The following GRM8 variants were observed in gnomAD, a reference collection of about 807,000 sequenced individuals.
The protein encoded by GRM8 is metabotropic glutamate receptor 8.
Under a neutral mutation model 87.2 loss-of-function variants are expected in GRM8, and 47 were observed. That is an observed-to-expected ratio of 0.54 (90% confidence interval 0.43 to 0.69). The LOEUF (loss-of-function observed/expected upper bound fraction) is 0.69. Ranked by LOEUF, GRM8 falls within the 30% of genes least tolerant of loss-of-function variation. The pLI is 0.00. For synonymous variants in GRM8, 396 were observed against 404.5 expected (o/e 0.98, Z 0.25); for missense variants, 1,019 against 1,139.2 (o/e 0.89, Z 1.52).
chr7:126,878,851 G>A lies in GRM8; in HGVS notation c.1156+23691C>T, dbSNP rs149407708. On this transcript the variant is annotated intron_variant, in intron 6 of 10. Coordinates refer to ENST00000339582, the MANE Select transcript of GRM8 (RefSeq NM_000845.3). ...CTTGAGATACTGTCTTCTAAAACTT[G>A]CCCTTTTTATTGTTTAAAAAACATG... 3.1e-3 allele frequency among the ~76,000 whole-genome samples: 467 copies of A among 150,740 alleles called. 8 individuals carry two copies. The East Asian group carries it at 0.05, about 16-fold the overall frequency.
chr7:126,628,344 C>T (rs1800899837), intron 7 of GRM8, among the ~76,000 whole-genome samples: 1 of 152,182 alleles, frequency 6.6e-6, no homozygotes, highest in Non-Finnish European at 1.5e-5. Flanking sequence ...TGTGCCCAGC[C>T]TAGTCCCTCT....
intron 7 of GRM8, among the ~76,000 whole-genome samples, chr7:126,628,027 A>C (rs1800866515): frequency 6.6e-6 from 1 of 152,074 alleles, no homozygotes; most frequent in African/African-American, 2.4e-5. Flanking sequence ...ATAAATGGGA[A>C]AGTAGTCCCT....
At chr7:127,057,813 A>C (rs930124667) in intron 3 of GRM8, among the ~76,000 whole-genome samples, 2 of 152,148 alleles carry the variant, frequency 1.3e-5, no homozygotes, top group Non-Finnish European at 2.9e-5. Context: ...ATCCCACAAA[A>C]AAAAAAACCT....
At chr7:126,967,152 A>T (rs1041185402) in intron 3 of GRM8, among the ~76,000 whole-genome samples, 5 of 99,810 alleles carry the variant, frequency 5.0e-5, no homozygotes, top group African/African-American at 2.1e-4. Context: ...TGCCTTGTTT[A>T]CTCTGTGTGT....
At chr7:126,935,281 TG>T (rs1282451680) in intron 3 of GRM8, among the ~76,000 whole-genome samples, 1 of 152,046 alleles carries the variant, frequency 6.6e-6, no homozygotes, top group East Asian at 1.9e-4. Context: ...GAAACTTCCA[TG>T]GCAAAGACGC....
At chr7:126,765,450 C>T (rs1237216468) in intron 7 of GRM8, among the ~76,000 whole-genome samples, 1 of 151,992 alleles carries the variant, frequency 6.6e-6, no homozygotes, top group Admixed American at 6.6e-5. Flanking sequence ...GATTAATATG[C>T]CACTGTGCTT....
intron 2 of GRM8, among the ~76,000 whole-genome samples, chr7:127,144,360 G>A (rs1194377407): frequency 6.6e-6 from 1 of 152,044 alleles, no homozygotes; most frequent in Non-Finnish European, 1.5e-5. Context: ...TGTGTTGCTG[G>A]TAGGGCACAC....
chr7:126,488,603 T>A (rs2150628371), intron 9 of GRM8, among the ~76,000 whole-genome samples: 1 of 152,166 alleles, frequency 6.6e-6, no homozygotes, highest in Non-Finnish European at 1.5e-5. Context: ...TTACAATATA[T>A]AAATCATTCA....
intron 7 of GRM8, among the ~76,000 whole-genome samples, chr7:126,717,021 T>C (rs575714274): frequency 5.9e-5 from 9 of 152,250 alleles, no homozygotes; most frequent in Admixed American, 2.0e-4. Flanking sequence ...GCCTAAAACT[T>C]TTCCCTGAAG....
At chr7:126,704,352 T>A (rs967859500) in intron 7 of GRM8, among the ~76,000 whole-genome samples, 9 of 152,176 alleles carry the variant, frequency 5.9e-5, no homozygotes, top group Non-Finnish European at 1.3e-4. Flanking sequence ...ATCATTTTCA[T>A]AAATTGAGGA....
chr7:126,816,003 T>TA (rs1160276189), intron 6 of GRM8, among the ~76,000 whole-genome samples: 200 of 151,706 alleles, frequency 1.3e-3, no homozygotes, highest in African/African-American at 4.6e-3. Context: ...AGGCCAGATT[T>TA]TTATATATAT....
rs927887947 is a variant in GRM8 at position 127,180,267 on chromosome 7, T to G, written c.510+62428A>C. On this transcript the variant is annotated intron_variant, in intron 2 of 10. Coordinates refer to ENST00000339582, the MANE Select transcript of GRM8 (RefSeq NM_000845.3). ...AACCTAGAAGAGATGGATAAATTATTGTAAAGATACAACCCTTCTAGCTTA... is the reference window on the plus strand; with the variant it reads ...AACCTAGAAGAGATGGATAAATTATGGTAAAGATACAACCCTTCTAGCTTA... Among the ~76,000 whole-genome samples, 93 of 152,066 alleles carry G rather than the reference T, an allele frequency of 6.1e-4. 1 individual carries two copies. Among genetic ancestry groups the G allele is most frequent in the African/African-American group, 2.2e-3 (92 of 41,424 alleles).
At chr7:126,470,659 A>G (rs1805078108) in intron 9 of GRM8, among the ~76,000 whole-genome samples, 1 of 152,146 alleles carries the variant, frequency 6.6e-6, no homozygotes, top group Non-Finnish European at 1.5e-5. Context: ...ACACGTGTGC[A>G]TGTGTCTTTA....
intron 8 of GRM8, among the ~76,000 whole-genome samples, chr7:126,598,117 T>C (rs576718274): frequency 6.0e-4 from 92 of 152,202 alleles, no homozygotes; most frequent in Non-Finnish European, 1.0e-3. Flanking sequence ...ATTCACAAAA[T>C]ATCACATGTT....
At chr7:126,709,974 A>G (rs1810937447) in intron 7 of GRM8, among the ~76,000 whole-genome samples, 4 of 152,206 alleles carry the variant, frequency 2.6e-5, no homozygotes, top group Admixed American at 1.3e-4. Context: ...TAAACATTGC[A>G]GGTCCAGTTC....
intron 3 of GRM8, among the ~76,000 whole-genome samples, chr7:127,013,501 C>G (rs1278801842): frequency 1.6e-5 from 2 of 128,708 alleles, no homozygotes; most frequent in Non-Finnish European, 3.2e-5. Flanking sequence ...AGTGTCCTGG[C>G]TAACTGGCTC....
intron 7 of GRM8, among the ~76,000 whole-genome samples, chr7:126,622,015 C>A (rs1440600151): frequency 6.6e-6 from 1 of 152,066 alleles, no homozygotes; most frequent in Non-Finnish European, 1.5e-5. Flanking sequence ...TCTCTCTGTC[C>A]AGTGAATTGC....
At chr7:127,057,977 A>G in intron 3 of GRM8, 1 of 256,300 alleles carries the variant, frequency 3.9e-6, no homozygotes, top group South Asian at 3.6e-5. Context: ...ACATTTTCTA[A>G]CCTGTAATTT....
chr7:127,196,196 C>A (rs946169820), intron 2 of GRM8, among the ~76,000 whole-genome samples: 7 of 152,126 alleles, frequency 4.6e-5, no homozygotes, highest in African/African-American at 9.7e-5. Flanking sequence ...AGTTTTCAGT[C>A]TCTGTCTACA....
Sources: gnomAD v4.1 joint callset for allele counts (sites outside exome capture counted in the v4.1 genomes callset) on GRCh38, gnomAD v4.1.1 for gene constraint, MANE v1.5 for transcripts, NCBI Gene and HGNC (gene_info 2026-07-23, HGNC 2026-07-21) for gene names.